The following MTPAP variants were observed in gnomAD, a reference collection of about 807,000 sequenced individuals.
MTPAP encodes the protein poly(A) RNA polymerase, mitochondrial.
In MTPAP, 23 loss-of-function variants were observed where a neutral mutation model predicts 48.7. That is an observed-to-expected ratio of 0.47 (90% CI 0.34 to 0.67). MTPAP has a LOEUF of 0.67. Among genes scored for constraint, MTPAP ranks in the 30% least tolerant of loss-of-function variants. The probability of loss-of-function intolerance (pLI) is 0.01; values close to 1 mark genes in which losing one functional copy is unlikely to be tolerated. For synonymous variants in MTPAP, 257 were observed against 254.1 expected (o/e 1.01, Z -0.11); for missense variants, 614 against 694.3 (o/e 0.88, Z 1.30).
intron 6 of MTPAP, 129 bp downstream of exon 6, chr10:30,322,262 A>C: frequency 1.2e-6 from 1 of 811,148 alleles, no homozygotes; most frequent in Non-Finnish European, 2.1e-6. Flanking sequence ...ACTCCGGTAG[A>C]CTTTAAAAAA....
chr10:30,314,884 C>CAAAAAAAA lies in MTPAP; in HGVS notation c.1387-921_1387-914dup, dbSNP rs34249388. 4.5e-3 allele frequency among the ~76,000 whole-genome samples: 495 copies of CAAAAAAAA among 110,622 alleles called. 2 individuals are homozygous for CAAAAAAAA. The highest frequency in any genetic ancestry group is 6.2e-3 in the Non-Finnish European group (352 of 56,892). 72.6% of individuals were successfully genotyped at this position (110,622 alleles called of 152,430 possible). A position where few individuals can be genotyped will look rare whatever the true frequency, so the allele number is the denominator to read the frequency against. On this transcript the variant is annotated intron_variant, in intron 8 of 8. Transcript: ENST00000263063. ...GAGACTCTGTCTCAAAAAACAAAAA[C>CAAAAAAAA]AAAAAAAAAAAAAAAAAAAAAGAAG...
At chr10:30,328,907 G>A (rs1185402640) in intron 4 of MTPAP, among the ~76,000 whole-genome samples, 1 of 152,092 alleles carries the variant, frequency 6.6e-6, no homozygotes, top group African/African-American at 2.4e-5. Context: ...GGAAAAACAT[G>A]TAGACAGAAA....
chr10:30,331,653 G>C (rs1326298846), intron 4 of MTPAP, among the ~76,000 whole-genome samples: 2 of 152,136 alleles, frequency 1.3e-5, no homozygotes, highest in African/African-American at 4.8e-5. Flanking sequence ...TACAACCTCC[G>C]CCTCCTGGGT....
At chr10:30,341,701 T>C in intron 1 of MTPAP, 61 bp from the exon 2 acceptor site, 2 of 1,584,048 alleles carry the variant, frequency 1.3e-6, no homozygotes, top group African/African-American at 1.3e-5. Flanking sequence ...AAAAATATTT[T>C]GATAAGGTGT....
intron 4 of MTPAP, among the ~76,000 whole-genome samples, chr10:30,327,257 G>A (rs1479187446): frequency 6.6e-6 from 1 of 151,590 alleles, no homozygotes; most frequent in East Asian, 1.9e-4. Context: ...GGAGGCCAAG[G>A]CGGGTGGATC....
At chr10:30,315,942 A>C (rs1417317786) in intron 8 of MTPAP, 21 bp downstream of exon 8, 1 of 1,557,756 alleles carries the variant, frequency 6.4e-7, no homozygotes. Flanking sequence ...ACTAATAACT[A>C]AATAGTAAAA....
chr10:30,341,429 A>T, intron 2 of MTPAP, 39 bp downstream of exon 2: 5 of 1,592,696 alleles, frequency 3.1e-6, no homozygotes, highest in Non-Finnish European at 4.3e-6. Flanking sequence ...ACCCTTGAAA[A>T]GCATAAACGT....
At chr10:30,315,124 CGAACTTT>C in intron 8 of MTPAP, among the ~76,000 whole-genome samples, 1 of 152,202 alleles carries the variant, frequency 6.6e-6, no homozygotes, top group East Asian at 1.9e-4. Flanking sequence ...AAAAAGGTGA[CGAACTTT>C]GTATGCTTAT....
Position 30,336,976 on chromosome 10 carries a change from TCTC to T in MTPAP, c.604_606del (p.Glu202del). ...CAGGTGAGATATCGGAGCTTAGTGTTCTCCTCTGTTAGCTGGAACTCCTTCAAG... is the reference window on the plus strand; with the variant it reads ...CAGGTGAGATATCGGAGCTTAGTGTTCTCTGTTAGCTGGAACTCCTTCAAG... On this transcript the variant is annotated inframe_deletion, in exon 4 of 9. Coordinates refer to ENST00000263063, the MANE Select transcript of MTPAP (RefSeq NM_018109.4). 3 of 1,613,568 alleles carry T rather than the reference TCTC, an allele frequency of 1.9e-6. No homozygotes were observed. The highest frequency in any genetic ancestry group is 2.5e-6 in the Non-Finnish European group (3 of 1,180,018).
chr10:30,315,518 AAC>A (rs1840651153), intron 8 of MTPAP, among the ~76,000 whole-genome samples: 9 of 151,394 alleles, frequency 5.9e-5, no homozygotes, highest in Non-Finnish European at 1.3e-4. Context: ...AAAAAAACAA[AAC>A]AAAACAAAAC....
chr10:30,324,932 A>G (rs998124621), intron 5 of MTPAP, among the ~76,000 whole-genome samples: 1 of 151,954 alleles, frequency 6.6e-6, no homozygotes, highest in African/African-American at 2.4e-5. Context: ...GTTGCATTGC[A>G]GTGAGCCAAG....
At position 30,313,293 on chromosome 10, in the gene MTPAP, CTA is replaced by C; in HGVS notation, c.*314_*315del. On this transcript the variant is annotated 3_prime_UTR_variant, in exon 9 of 9. Coordinates refer to ENST00000263063, the MANE Select transcript of MTPAP (RefSeq NM_018109.4). ...CATTTTTTTTAGAGATGGAATCTTG[CTA>C]TGTTGTCCACGATGGATTCAAAATC... 1 of 308,456 alleles carries C rather than the reference CTA, an allele frequency of 3.2e-6. No individual in the cohort carries two copies. Among genetic ancestry groups the C allele is most frequent in the Non-Finnish European group, 6.1e-6 (1 of 164,662 alleles). 19.1% of individuals were successfully genotyped at this position (308,456 alleles called of 1,614,324 possible).
chr10:30,332,478 G>C (rs555071080), intron 4 of MTPAP, among the ~76,000 whole-genome samples: 7 of 152,172 alleles, frequency 4.6e-5, no homozygotes, highest in African/African-American at 1.7e-4. Context: ...ATTTTTAGTA[G>C]AGACGGGGTT....
intron 6 of MTPAP, 114 bp downstream of exon 6, chr10:30,322,277 C>T (rs1840734451): frequency 1.0e-6 from 1 of 966,746 alleles, no homozygotes; most frequent in Admixed American, 2.0e-5. Flanking sequence ...AAAAAAAAGT[C>T]AAGACAAATT....
intron 1 of MTPAP, among the ~76,000 whole-genome samples, chr10:30,341,978 C>T (rs1452051391): frequency 6.6e-6 from 1 of 152,154 alleles, no homozygotes; most frequent in Non-Finnish European, 1.5e-5. Flanking sequence ...GTGGCTCATG[C>T]CTGTAATACC....
intron 6 of MTPAP, among the ~76,000 whole-genome samples, chr10:30,318,744 T>C (rs1840688714): frequency 6.6e-6 from 1 of 152,212 alleles, no homozygotes; most frequent in Non-Finnish European, 1.5e-5. Flanking sequence ...TTTAAAATGT[T>C]ATCCAATCAT....
At chr10:30,322,242 TGCTCTC>T in intron 6 of MTPAP, 143 bp downstream of exon 6, 4 of 690,674 alleles carry the variant, frequency 5.8e-6, no homozygotes, top group Non-Finnish European at 9.9e-6. Context: ...CCAAATCATC[TGCTCTC>T]GTGACTCCGG....
intron 2 of MTPAP, among the ~76,000 whole-genome samples, chr10:30,340,822 G>T (rs1017770619): frequency 6.6e-6 from 1 of 152,132 alleles, no homozygotes; most frequent in Non-Finnish European, 1.5e-5. Context: ...GGAAGGCTGA[G>T]GCAGGAGAAT....
At chr10:30,314,080 T>G in intron 8 of MTPAP, 109 bp from the exon 9 acceptor site, 1 of 1,235,002 alleles carries the variant, frequency 8.1e-7, no homozygotes, top group Non-Finnish European at 1.2e-6. Context: ...AGCATTAACT[T>G]TACATAGCAA....
Sources: allele counts gnomAD v4.1 joint callset (sites outside exome capture counted in the v4.1 genomes callset), GRCh38; gene constraint gnomAD v4.1.1; transcripts MANE v1.5; gene names NCBI Gene and HGNC (gene_info 2026-07-23, HGNC 2026-07-21).